Variants in SPTAN1 observed in about 807,000 individuals in gnomAD.
SPTAN1 encodes spectrin alpha, non-erythrocytic 1, also known as spectrin alpha chain, non-erythrocytic 1.
Under a neutral mutation model 331.3 loss-of-function variants are expected in SPTAN1, and 61 were observed. That is an observed-to-expected ratio of 0.18 (90% confidence interval 0.15 to 0.23). SPTAN1 has a LOEUF of 0.23. SPTAN1 is among the 10% of genes least tolerant of loss of function. The probability of loss-of-function intolerance (pLI) is 1.00; values close to 1 mark genes in which losing one functional copy is unlikely to be tolerated. For synonymous variants in SPTAN1, 1,153 were observed against 1,173.9 expected (o/e 0.98, Z 0.36); for missense variants, 2,043 against 3,147.9 (o/e 0.65, Z 8.40).
At position 128,625,751 on chromosome 9, in the gene SPTAN1, T is replaced by C; in HGVS notation, c.6070-18T>C. ...TCCTGTGGAGTCACCACAAATTGGCTTGTCACTCCTTGTTCAGGAAACTTT... is the reference window on the plus strand; with the variant it reads ...TCCTGTGGAGTCACCACAAATTGGCCTGTCACTCCTTGTTCAGGAAACTTT... On this transcript the variant is annotated intron_variant, in intron 47 of 56. Coordinates refer to ENST00000372739, the MANE Select transcript of SPTAN1 (RefSeq NM_001130438.3). This position sits in a 1 kb window ranked among gnomAD's most constrained non-coding sequence, Gnocchi z 4.1. 1 of 1,613,332 alleles carries C rather than the reference T, an allele frequency of 6.2e-7. No homozygotes were observed. Among genetic ancestry groups the C allele is most frequent in the Non-Finnish European group, 8.5e-7 (1 of 1,179,834 alleles).
intron 3 of SPTAN1, among the ~76,000 whole-genome samples, chr9:128,573,561 A>G (rs1054825301): frequency 6.6e-6 from 1 of 152,038 alleles, no homozygotes; most frequent in African/African-American, 2.4e-5. Flanking sequence ...GGTTCAAGCA[A>G]TTCTCCTGCC....
intron 52 of SPTAN1, chr9:128,631,695 G>C (rs1222388407): frequency 5.1e-6 from 1 of 194,988 alleles, no homozygotes; most frequent in Non-Finnish European, 1.1e-5. Flanking sequence ...GTGTGGTGAT[G>C]GGCACCTGTT....
At position 128,627,520 on chromosome 9, in the gene SPTAN1, G is replaced by A; in HGVS notation, c.6689+22G>A. 6.5e-7 allele frequency: 1 copy of A among 1,542,076 alleles called. No individual in the cohort carries two copies. Among genetic ancestry groups the A allele is most frequent in the South Asian group, 1.2e-5 (1 of 83,980 alleles). On this transcript the variant is annotated intron_variant, in intron 50 of 56. Coordinates refer to ENST00000372739, the MANE Select transcript of SPTAN1 (RefSeq NM_001130438.3). The surrounding 1 kb of genome is among the most constrained non-coding windows in gnomAD (Gnocchi z 4.9). ...CCAGGTGCCAGCCCGCTGGGGCCGG[G>A]GAGCAGCAGCATGTCCCTGCTGTAC...
At chr9:128,585,989 C>T (rs1247342122) in intron 19 of SPTAN1, 24 bp downstream of exon 19, 2 of 1,608,460 alleles carry the variant, frequency 1.2e-6, no homozygotes, top group Admixed American at 1.7e-5. Context: ...GGAAGCGTCT[C>T]ACCTGCCAGG....
chr9:128,571,123 AC>A (rs1390898617), intron 3 of SPTAN1, among the ~76,000 whole-genome samples: 1 of 152,108 alleles, frequency 6.6e-6, no homozygotes, highest in African/African-American at 2.4e-5. Context: ...CCTCGTCTCT[AC>A]AAAAAAAATT....
chr9:128,627,306 C>T lies in SPTAN1; in HGVS notation c.6577-80C>T. The T allele has an allele frequency of 7.5e-7, 1 of 1,325,720 alleles. No homozygotes were observed. Among genetic ancestry groups the T allele is most frequent in the Non-Finnish European group, 1.1e-6 (1 of 947,918 alleles). The allele number at this position is 1,325,720 out of a possible 1,614,324, so 82.1% of individuals were successfully genotyped here. A position where few individuals can be genotyped will look rare whatever the true frequency, so the allele number is the denominator to read the frequency against. On this transcript the variant is annotated intron_variant, in intron 49 of 56. Coordinates refer to ENST00000372739, the MANE Select transcript of SPTAN1 (RefSeq NM_001130438.3). This position sits in a 1 kb window ranked among gnomAD's most constrained non-coding sequence, Gnocchi z 4.9. ...AGGTTCCTTGTGGGGAGGCCACCAC[C>T]ACCCTGAGCCCATCTGTGAAGGAGG...
At position 128,633,397 on chromosome 9, in the gene SPTAN1, C is replaced by A. The variant is rs1013369143; in HGVS notation, c.*63C>A. The A allele has an allele frequency of 1.2e-6, 2 of 1,609,750 alleles. No homozygotes were observed. The highest frequency in any genetic ancestry group is 1.7e-6 in the Non-Finnish European group (2 of 1,178,862). ...TGCGTCGCCTTGCTGCATGTCCGCT[C>A]CTCTGTGTGCTCTCACTTTCCACTG... On this transcript the variant is annotated 3_prime_UTR_variant, in exon 57 of 57. Coordinates refer to ENST00000372739, the MANE Select transcript of SPTAN1 (RefSeq NM_001130438.3).
At chr9:128,594,925 T>G (rs886708238) in intron 24 of SPTAN1, among the ~76,000 whole-genome samples, 18 of 150,858 alleles carry the variant, frequency 1.2e-4, no homozygotes, top group African/African-American at 4.4e-4. Flanking sequence ...CCTCCCAGGT[T>G]CAAGCAGTTC....
chr9:128,633,437 C>A lies in SPTAN1; in HGVS notation c.*103C>A. On this transcript the variant is annotated 3_prime_UTR_variant, in exon 57 of 57. Transcript: ENST00000372739. Reference sequence around the variant, plus strand: ...ACTTTCCACTGTAACCTTAAGCCTGCTTAGCTTGGAATAAGACTTAGGAGA... The same window carrying A: ...ACTTTCCACTGTAACCTTAAGCCTGATTAGCTTGGAATAAGACTTAGGAGA... 6.3e-7 allele frequency: 1 copy of A among 1,575,234 alleles called. No homozygotes were observed. The highest frequency in any genetic ancestry group is 8.7e-7 in the Non-Finnish European group (1 of 1,153,928).
chr9:128,628,127 T>TGGTCCCC lies in SPTAN1; in HGVS notation c.6707+187_6707+193dup, dbSNP rs777439095. Reference sequence around the variant, plus strand: ...GCCTTGCCCCATAGCCCATGGTCCCTGGTCCCCGATAGAGCCTTCAAGCCA... The same window carrying TGGTCCCC: ...GCCTTGCCCCATAGCCCATGGTCCCTGGTCCCCGGTCCCCGATAGAGCCTTCAAGCCA... On this transcript the variant is annotated intron_variant, in intron 51 of 56. Transcript: ENST00000372739. 6.1e-6 allele frequency: 5 copies of TGGTCCCC among 821,776 alleles called. No individual in the cohort carries two copies. In the East Asian group the frequency reaches 9.9e-5, roughly 16 times the overall value. The allele number at this position is 821,776 out of a possible 1,614,324, so 50.9% of individuals were successfully genotyped here.
chr9:128,571,147 G>A (rs1438525213), intron 3 of SPTAN1, among the ~76,000 whole-genome samples: 3 of 152,084 alleles, frequency 2.0e-5, no homozygotes, highest in Admixed American at 2.0e-4. Flanking sequence ...AAAATTAGTG[G>A]GGCGTGGTGG....
In SPTAN1 at chr9:128,566,958, A is replaced by G; in HGVS notation, c.218A>G (p.Lys73Arg). The stretch of plus-strand genomic sequence containing the variant: ...CAGATTGCATCTGATGAGAATTATA[A>G]AGACCCAACCAACTTGCAGGTACGT... ...KLQIASDENY[K>R]DPTNLQGKLQ... is the part of the protein sequence containing the mutation. Residue 73 changes from lysine to arginine, a missense_variant, in exon 2 of 57, where the codon AAA becomes AGA. By Grantham distance (26) the Lys-to-Arg change is conservative. Coordinates refer to ENST00000372739, the MANE Select transcript of SPTAN1 (RefSeq NM_001130438.3). 1 of 1,614,142 alleles carries G rather than the reference A, an allele frequency of 6.2e-7. No individual in the cohort carries two copies. The highest frequency in any genetic ancestry group is 1.1e-5 in the South Asian group (1 of 91,072).
At chr9:128,601,048 A>C (rs1589281120) in intron 27 of SPTAN1, among the ~76,000 whole-genome samples, 1 of 125,648 alleles carries the variant, frequency 8.0e-6, no homozygotes, top group East Asian at 2.6e-4. Flanking sequence ...CAGTGGCACG[A>C]TCTCAGCTCA....
At position 128,629,102 on chromosome 9, in the gene SPTAN1, T is replaced by C; in HGVS notation, c.6707+1160T>C. 2.5e-6 allele frequency: 1 copy of C among 398,580 alleles called. No individual in the cohort carries two copies. Among genetic ancestry groups the C allele is most frequent in the East Asian group, 3.6e-5 (1 of 28,056 alleles). The allele number at this position is 398,580 out of a possible 1,614,324, so 24.7% of individuals were successfully genotyped here. ...GCCTCCCCTCCCTTTGGTGTATTCATTTGGTTTCTTTTCTTTGAATAGCAT... is the reference window on the plus strand; with the variant it reads ...GCCTCCCCTCCCTTTGGTGTATTCACTTGGTTTCTTTTCTTTGAATAGCAT... On this transcript the variant is annotated intron_variant, in intron 51 of 56. Coordinates refer to ENST00000372739, the MANE Select transcript of SPTAN1 (RefSeq NM_001130438.3). This position sits in a 1 kb window ranked among gnomAD's most constrained non-coding sequence, Gnocchi z 4.9.
chr9:128,590,528 A>T (rs1433267907), intron 21 of SPTAN1, among the ~76,000 whole-genome samples: 1 of 137,782 alleles, frequency 7.3e-6, no homozygotes, highest in South Asian at 2.5e-4. Flanking sequence ...ACATAGCGAG[A>T]CCTCATCTCT....
At chr9:128,558,701 G>A (rs771268974) in intron 1 of SPTAN1, among the ~76,000 whole-genome samples, 3 of 152,110 alleles carry the variant, frequency 2.0e-5, no homozygotes, top group South Asian at 2.1e-4. Flanking sequence ...CTGTGAAGTC[G>A]GCCTTATCAG....
intron 40 of SPTAN1, among the ~76,000 whole-genome samples, chr9:128,614,394 C>T (rs1257059989): frequency 6.7e-6 from 1 of 149,714 alleles, no homozygotes; most frequent in African/African-American, 2.5e-5. Flanking sequence ...GAGTTCGAGA[C>T]CAGCTTGGGT....
At chr9:128,569,922 T>C (rs1462273649) in intron 3 of SPTAN1, among the ~76,000 whole-genome samples, 2 of 152,196 alleles carry the variant, frequency 1.3e-5, no homozygotes, top group African/African-American at 4.8e-5. Context: ...TGATGAATAA[T>C]TATTAACTAT....
intron 37 of SPTAN1, 85 bp downstream of exon 37, chr9:128,609,750 G>A: frequency 1.1e-6 from 1 of 906,220 alleles, no homozygotes. Context: ...TATTATTGTG[G>A]TCACACGGTT....
Sources: allele counts gnomAD v4.1 joint callset (sites outside exome capture counted in the v4.1 genomes callset), GRCh38; gene constraint gnomAD v4.1.1; non-coding constraint Gnocchi (gnomAD v3.1); transcripts MANE v1.5; gene names NCBI Gene and HGNC (gene_info 2026-07-23, HGNC 2026-07-21).